CEP43: variants seen among roughly 807,000 people sequenced by gnomAD.
CEP43 encodes the protein FGFR1 oncogene partner.
CEP43 carries 36 observed loss-of-function variants against 52.6 expected under a neutral mutation model. The ratio of observed to expected loss-of-function variants is 0.68; its 90% CI spans 0.52 to 0.90. The LOEUF is 0.90. Ranked by LOEUF, CEP43 falls within the 40% of genes least tolerant of loss-of-function variation. The pLI is 0.00. For missense variants in CEP43, 506 were observed against 472.8 expected (o/e 1.07, Z -0.65); for synonymous variants, 192 against 172.4 (o/e 1.11, Z -0.89).
chr6:167,000,543 G>A (rs868409957), intron 2 of CEP43, among the ~76,000 whole-genome samples: 2 of 152,192 alleles, frequency 1.3e-5, no homozygotes, highest in South Asian at 4.1e-4. Context: ...TTTTAAAAGT[G>A]CAGCCACTAC....
At chr6:167,024,966 T>C in intron 9 of CEP43, 72 bp downstream of exon 9, 1 of 829,144 alleles carries the variant, frequency 1.2e-6, no homozygotes, top group South Asian at 1.6e-5. Flanking sequence ...GTGATTATTG[T>C]TGATTTTTTT....
intron 7 of CEP43, among the ~76,000 whole-genome samples, chr6:167,019,859 C>G (rs1419243437): frequency 6.6e-6 from 1 of 152,030 alleles, no homozygotes; most frequent in Non-Finnish European, 1.5e-5. Context: ...TTGGGGAAAT[C>G]AGAATAATTA....
chr6:167,034,392 G>A (rs1056130397), intron 12 of CEP43, among the ~76,000 whole-genome samples: 3 of 152,230 alleles, frequency 2.0e-5, no homozygotes, highest in African/African-American at 7.2e-5. Flanking sequence ...AGGCAAGCCA[G>A]ACTGGGCTAA....
At position 167,050,829 on chromosome 6, in the gene CEP43, G is replaced by A. The variant is rs997422093; in HGVS notation, c.*10851G>A. ...AGAAAGAAAATGAGACATTGGATTT[G>A]TAAGTTTCTGACAGGTTCATTTTGC... On this transcript the variant is annotated 3_prime_UTR_variant, in exon 13 of 13. Transcript: ENST00000366847. The A allele has an allele frequency of 3.4e-5, 5 of 148,288 alleles. No homozygotes were observed. The highest frequency in any genetic ancestry group is 6.7e-5 in the Admixed American group (1 of 14,894). The allele number at this position is 148,288 out of a possible 1,614,324, so 9.2% of individuals were successfully genotyped here.
At chr6:167,006,620 G>A (rs1302345062) in intron 5 of CEP43, among the ~76,000 whole-genome samples, 1 of 152,200 alleles carries the variant, frequency 6.6e-6, no homozygotes, top group African/African-American at 2.4e-5. Flanking sequence ...AGTTAGACAC[G>A]ATTTGAAGTA....
intron 11 of CEP43, among the ~76,000 whole-genome samples, chr6:167,033,422 T>C (rs191638879): frequency 2.6e-5 from 4 of 152,314 alleles, no homozygotes; most frequent in Admixed American, 1.3e-4. Flanking sequence ...TCCTTTCTTA[T>C]ACACAGAAAG....
At position 167,013,900 on chromosome 6, in the gene CEP43, G is replaced by A. The variant is rs549002370; in HGVS notation, c.579+333G>A. The stretch of plus-strand genomic sequence containing the variant: ...AGGCAGGAGAATCGCTTTAACCCGG[G>A]AAGCGGAGGTTGCAGTGAGCTGAAA... On this transcript the variant is annotated intron_variant, in intron 7 of 12. Coordinates refer to ENST00000366847, the MANE Select transcript of CEP43 (RefSeq NM_007045.4). Among the ~76,000 whole-genome samples, 4 of 152,316 alleles carry A rather than the reference G, an allele frequency of 2.6e-5. No individual in the cohort carries two copies. The South Asian group carries it at 6.2e-4, about 24-fold the overall frequency.
In CEP43 at chr6:167,047,265, A is replaced by G. The variant is rs1251631881; in HGVS notation, c.*7287A>G. On this transcript the variant is annotated 3_prime_UTR_variant, in exon 13 of 13. Coordinates refer to ENST00000366847, the MANE Select transcript of CEP43 (RefSeq NM_007045.4). ...CCACCCTAGACAGGAGGGGTCCCCT[A>G]CTGACAGGGAGGTGCTGTCGGGGCA... The G allele has an allele frequency of 6.6e-6, 1 of 152,278 alleles. No individual in the cohort carries two copies. Among genetic ancestry groups the G allele is most frequent in the African/African-American group, 2.4e-5 (1 of 41,458 alleles). The allele number at this position is 152,278 out of a possible 1,614,324, so 9.4% of individuals were successfully genotyped here.
chr6:167,022,485 T>A lies in CEP43; in HGVS notation c.656T>A (p.Leu219Ter). Reference sequence around the variant, plus strand: ...CCCAAGAGCAAAAGCAGCCTTCACTTACTGTCCCATGAAACAAAAATTGGA... The same window carrying A: ...CCCAAGAGCAAAAGCAGCCTTCACTAACTGTCCCATGAAACAAAAATTGGA... ...SEPKSKSSLHLLSHETKIGSF... is the reference protein window; with the variant it reads ...SEPKSKSSLH The change falls in exon 8 of 13, where the codon TTA (leucine) becomes TAA (stop). Residue 219 changes from leucine to a stop codon, truncating the protein, a stop_gained. Transcript: ENST00000366847. LOFTEE classifies it high-confidence loss of function. 2.5e-6 allele frequency: 4 copies of A among 1,614,080 alleles called. No individual in the cohort carries two copies. The highest frequency in any genetic ancestry group is 3.4e-6 in the Non-Finnish European group (4 of 1,179,998).
chr6:167,026,261 G>T (rs1168096982), intron 9 of CEP43, among the ~76,000 whole-genome samples: 1 of 152,218 alleles, frequency 6.6e-6, no homozygotes, highest in East Asian at 1.9e-4. Context: ...TACTCGGGAG[G>T]CTGAGGCGGG....
Position 167,002,093 on chromosome 6 carries a change from A to G in CEP43, c.157-1100A>G, listed in dbSNP as rs760022855. On this transcript the variant is annotated intron_variant, in intron 2 of 12. Transcript: ENST00000366847. Reference sequence around the variant, plus strand: ...TTTAATATGTACAATTTGATTTTTAATAGTTAATTTATGCAGCTGTGAAAT... The same window carrying G: ...TTTAATATGTACAATTTGATTTTTAGTAGTTAATTTATGCAGCTGTGAAAT... Among the ~76,000 whole-genome samples, 7 of 152,140 alleles carry G rather than the reference A, an allele frequency of 4.6e-5. No individual in the cohort carries two copies. In the East Asian group the frequency reaches 1.2e-3, roughly 25 times the overall value.
chr6:167,033,097 C>CTTTTTTT (rs1562533056), intron 11 of CEP43, among the ~76,000 whole-genome samples: 4 of 94,576 alleles, frequency 4.2e-5, no homozygotes, highest in African/African-American at 1.6e-4. Flanking sequence ...GATTGCCATT[C>CTTTTTTT]TCTTTTTTTT....
chr6:167,020,756 A>G (rs1184469726), intron 7 of CEP43, among the ~76,000 whole-genome samples: 1 of 152,032 alleles, frequency 6.6e-6, no homozygotes, highest in Non-Finnish European at 1.5e-5. Context: ...TAAAAATACA[A>G]AAATTAGCCA....
At chr6:167,034,109 G>A (rs1780532266) in intron 12 of CEP43, 138 bp downstream of exon 12, 2 of 460,664 alleles carry the variant, frequency 4.3e-6, no homozygotes, top group Non-Finnish European at 7.7e-6. Flanking sequence ...GACCTGGCTC[G>A]AGTTTATAAA....
chr6:167,039,736 C>G (rs1369425315), intron 12 of CEP43, among the ~76,000 whole-genome samples, 168 bp from the exon 13 acceptor site: 1 of 152,166 alleles, frequency 6.6e-6, no homozygotes, highest in East Asian at 1.9e-4. Flanking sequence ...TAAAAGTGTT[C>G]CCTTTTCACC....
At chr6:167,030,621 A>T (rs891720190) in intron 10 of CEP43, among the ~76,000 whole-genome samples, 4 of 152,112 alleles carry the variant, frequency 2.6e-5, no homozygotes, top group Admixed American at 2.6e-4. Context: ...GTTTGCTGAT[A>T]TTCTTCCCAC....
intron 9 of CEP43, among the ~76,000 whole-genome samples, chr6:167,025,883 G>A (rs1447059012): frequency 6.6e-6 from 1 of 152,222 alleles, no homozygotes; most frequent in Non-Finnish European, 1.5e-5. Context: ...TGTCACTTTA[G>A]TAAGTGAAAT....
At position 167,040,377 on chromosome 6, in the gene CEP43, T is replaced by G; in HGVS notation, c.*399T>G. On this transcript the variant is annotated 3_prime_UTR_variant, in exon 13 of 13. Coordinates refer to ENST00000366847, the MANE Select transcript of CEP43 (RefSeq NM_007045.4). ...TTTGAAAACCTTGGCTTTAGCCCTC[T>G]GGAATCAGAGCTTACCCACCATAGT... The G allele has an allele frequency of 2.2e-6, 3 of 1,368,370 alleles. No homozygotes were observed. Among genetic ancestry groups the G allele is most frequent in the Non-Finnish European group, 2.8e-6 (3 of 1,062,992 alleles). The allele number at this position is 1,368,370 out of a possible 1,614,324, so 84.8% of individuals were successfully genotyped here.
In CEP43 at chr6:167,022,442, A is replaced by G. The variant is rs779198520; in HGVS notation, c.613A>G (p.Ser205Gly). Residue 205 changes from serine (S) to glycine (G), a missense_variant, in exon 8 of 13, where the codon AGT becomes GGT. Transcript: ENST00000366847. ...TGATGAGGCCAATCAGAGTGATACA[A>G]GTGTCTCCTTGTCAGAACCCAAGAG... is the stretch of plus-strand genomic sequence containing the variant. ...ANDEANQSDTSVSLSEPKSKS... is the reference protein window; with the variant it reads ...ANDEANQSDTGVSLSEPKSKS... 13 of 1,614,008 alleles carry G rather than the reference A, an allele frequency of 8.1e-6. No homozygotes were observed. The highest frequency in any genetic ancestry group is 1.3e-5 in the African/African-American group (1 of 74,938).
Sources: allele counts gnomAD v4.1 joint callset (sites outside exome capture counted in the v4.1 genomes callset), GRCh38; gene constraint gnomAD v4.1.1; transcripts MANE v1.5; gene names NCBI Gene and HGNC (gene_info 2026-07-23, HGNC 2026-07-21).